Variants in CATSPERE observed in about 807,000 individuals in gnomAD.
CATSPERE encodes catsper channel auxiliary subunit epsilon, also known as cation channel sperm-associated auxiliary subunit epsilon.
In CATSPERE, 93 loss-of-function variants were observed where a neutral mutation model predicts 114.1. The ratio of observed to expected loss-of-function variants is 0.81; its 90% CI spans 0.69 to 0.97. The LOEUF (loss-of-function observed/expected upper bound fraction) is 0.97, where lower values mean the gene tolerates loss of function less well. CATSPERE is among the 50% of genes least tolerant of loss of function. CATSPERE has a pLI of 0.00. For missense variants in CATSPERE, 1,058 were observed against 1,131.6 expected, an observed-to-expected ratio of 0.93 and a Z score of 0.93; for synonymous variants, 341 against 384.1, an observed-to-expected ratio of 0.89 and a Z score of 1.31.
chr1:244,539,457 G>A (rs1361240836), intron 8 of CATSPERE, among the ~76,000 whole-genome samples: 3 of 136,018 alleles, frequency 2.2e-5, no homozygotes, highest in Non-Finnish European at 3.2e-5. Flanking sequence ...GTCTCTGCCC[G>A]CCTTTGGTAT....
intron 7 of CATSPERE, among the ~76,000 whole-genome samples, chr1:244,502,032 G>T (rs1040537702): frequency 3.3e-5 from 5 of 151,886 alleles, no homozygotes; most frequent in African/African-American, 1.2e-4. Context: ...CATGTTTTAG[G>T]TCTCTAATTA....
At chr1:244,601,813 C>T (rs4297277) in intron 17 of CATSPERE, among the ~76,000 whole-genome samples, 15,954 of 151,950 alleles carry the variant, frequency 0.1, 1,197 homozygotes, top group East Asian at 0.38. Context: ...ATTAGCCGGG[C>T]GTGGGTGGTG....
chr1:244,598,187 A>G (rs1668696156), intron 17 of CATSPERE, among the ~76,000 whole-genome samples: 1 of 152,204 alleles, frequency 6.6e-6, no homozygotes, highest in Non-Finnish European at 1.5e-5. Context: ...AAGCTCAATC[A>G]TATCTGTAGA....
chr1:244,545,670 G>A lies in CATSPERE; in HGVS notation c.537-6652G>A, dbSNP rs559881471. Among the ~76,000 whole-genome samples, 3 of 152,254 alleles carry A rather than the reference G, an allele frequency of 2.0e-5. 1 individual carries two copies. The South Asian group carries it at 6.2e-4, about 32-fold the overall frequency. On this transcript the variant is annotated intron_variant, in intron 8 of 21. Transcript: ENST00000366534. ...GCAGAGACCGAATGCTTGATCATGGGCCAACAAGTTACCATGCAACCCTAG... is the reference window on the plus strand; with the variant it reads ...GCAGAGACCGAATGCTTGATCATGGACCAACAAGTTACCATGCAACCCTAG...
intron 20 of CATSPERE, among the ~76,000 whole-genome samples, chr1:244,625,509 A>C (rs914520817): frequency 1.5e-5 from 2 of 131,806 alleles, no homozygotes; most frequent in Non-Finnish European, 3.1e-5. Context: ...GCTCACTGCA[A>C]CCTCCACCTC....
At chr1:244,467,021 C>T (rs1337226028) in intron 2 of CATSPERE, among the ~76,000 whole-genome samples, 1 of 152,116 alleles carries the variant, frequency 6.6e-6, no homozygotes, top group Non-Finnish European at 1.5e-5. Context: ...TAGGGATAGC[C>T]TAGAGTTATG....
Position 244,605,732 on chromosome 1 carries a change from A to G in CATSPERE, c.2341A>G (p.Asn781Asp). The change falls in exon 18 of 22, where the codon AAT (asparagine) becomes GAT (aspartate). Residue 781 changes from asparagine to aspartate, a missense_variant. This residue lies in a region of CATSPERE where 787 missense variants were observed against 905.6 expected (regional missense o/e 0.87). Coordinates refer to ENST00000366534, the MANE Select transcript of CATSPERE (RefSeq NM_001130957.2). ...DNGYVKDVEA[N>D]FIVWEIHGRD... ...TGGCTATGTTAAAGACGTTGAAGCA[A>G]ATTTCATAGTGTGGGAAATACACGG... is the stretch of plus-strand genomic sequence containing the variant. The G allele has an allele frequency of 6.2e-7, 1 of 1,613,590 alleles. No individual in the cohort carries two copies. The highest frequency in any genetic ancestry group is 8.5e-7 in the Non-Finnish European group (1 of 1,179,638).
intron 8 of CATSPERE, among the ~76,000 whole-genome samples, chr1:244,544,637 T>C (rs1659433886): frequency 1.3e-5 from 2 of 152,266 alleles, no homozygotes; most frequent in Admixed American, 6.5e-5. Flanking sequence ...CCTGGAGGCA[T>C]TGCAAAGACT....
chr1:244,574,765 T>A (rs1358032583), intron 11 of CATSPERE, among the ~76,000 whole-genome samples: 2 of 152,222 alleles, frequency 1.3e-5, no homozygotes, highest in African/African-American at 2.4e-5. Flanking sequence ...TGGAAGTGTC[T>A]GACTTCACTG....
At chr1:244,635,622 C>G in intron 21 of CATSPERE, 80 bp downstream of exon 21, 4 of 1,066,554 alleles carry the variant, frequency 3.8e-6, no homozygotes, top group Non-Finnish European at 5.7e-6. Flanking sequence ...AAGCACCTCT[C>G]CCCCGTGTCT....
At chr1:244,602,676 A>C (rs1309139415) in intron 17 of CATSPERE, among the ~76,000 whole-genome samples, 1 of 152,192 alleles carries the variant, frequency 6.6e-6, no homozygotes, top group Non-Finnish European at 1.5e-5. Flanking sequence ...TCACGCTCCA[A>C]TCCCAAACTA....
chr1:244,463,956 TGTAA>T lies in CATSPERE; in HGVS notation c.114+3_114+6del, dbSNP rs755608855. On this transcript the variant is annotated splice_donor_variant and splice_donor_region_variant and intron_variant, in intron 2 of 21. Transcript: ENST00000366534. LOFTEE classifies it high-confidence loss of function. Reference sequence around the variant, plus strand: ...ATCGCATTTTTAGTACCAGAAGTACTGTAAGTGTTGAATTTTTAATAAACTATAG... The same window carrying T: ...ATCGCATTTTTAGTACCAGAAGTACTGTGTTGAATTTTTAATAAACTATAG... The T allele has an allele frequency of 3.9e-5, 62 of 1,594,262 alleles. No homozygotes were observed. Among genetic ancestry groups the T allele is most frequent in the Middle Eastern group, 1.7e-4 (1 of 5,832 alleles).
intron 18 of CATSPERE, among the ~76,000 whole-genome samples, chr1:244,608,320 C>T (rs1355246343): frequency 6.6e-6 from 1 of 151,872 alleles, no homozygotes; most frequent in Admixed American, 6.6e-5. Flanking sequence ...ATCGCTTGAG[C>T]CTAGGAGTCT....
chr1:244,489,825 C>T (rs1288492160), intron 5 of CATSPERE, among the ~76,000 whole-genome samples: 13 of 151,352 alleles, frequency 8.6e-5, no homozygotes, highest in Admixed American at 3.3e-4. Context: ...CAAGCAAACA[C>T]GTAGTTAGAT....
chr1:244,592,950 G>C (rs75275076), intron 15 of CATSPERE, among the ~76,000 whole-genome samples: 1 of 151,974 alleles, frequency 6.6e-6, no homozygotes, highest in Non-Finnish European at 1.5e-5. Context: ...GTTCATGAAC[G>C]TGAAGCATTC....
At chr1:244,569,705 A>G (rs1007169487) in intron 10 of CATSPERE, among the ~76,000 whole-genome samples, 1 of 152,180 alleles carries the variant, frequency 6.6e-6, no homozygotes, top group Non-Finnish European at 1.5e-5. Flanking sequence ...TAGGAATCTA[A>G]TGGTATTTTT....
chr1:244,585,814 C>T (rs1666938153), intron 13 of CATSPERE, among the ~76,000 whole-genome samples: 1 of 152,112 alleles, frequency 6.6e-6, no homozygotes, highest in Non-Finnish European at 1.5e-5. Flanking sequence ...ACTGGCAGCT[C>T]CAACAAGGCT....
At chr1:244,465,040 T>A (rs1449176175) in intron 2 of CATSPERE, among the ~76,000 whole-genome samples, 44 of 147,512 alleles carry the variant, frequency 3.0e-4, no homozygotes, top group East Asian at 9.8e-4. Flanking sequence ...GGAGGCTCCT[T>A]TTTTTTTTTT....
chr1:244,502,456 A>T (rs1674199533), intron 7 of CATSPERE, among the ~76,000 whole-genome samples: 1 of 152,158 alleles, frequency 6.6e-6, no homozygotes, highest in Admixed American at 6.6e-5. Flanking sequence ...CATCTAATAG[A>T]GACACAATAT....
Sources: gnomAD v4.1 joint callset for allele counts (sites outside exome capture counted in the v4.1 genomes callset) on GRCh38, gnomAD v4.1.1 for gene constraint, gnomAD v4.1.1 regional missense constraint, MANE v1.5 for transcripts, NCBI Gene and HGNC (gene_info 2026-07-23, HGNC 2026-07-21) for gene names.